GRIA4: variants seen among roughly 807,000 people sequenced by gnomAD.
GRIA4 encodes the protein glutamate receptor 4.
GRIA4 carries 34 observed loss-of-function variants against 104.0 expected under a neutral mutation model. The ratio of observed to expected loss-of-function variants is 0.33; its 90% CI spans 0.25 to 0.44. GRIA4 has a LOEUF of 0.44. GRIA4 is among the 20% of genes least tolerant of loss of function. GRIA4 has a pLI of 1.00. For missense variants in GRIA4, 750 were observed against 1,096.5 expected (o/e 0.68, Z 4.46); for synonymous variants, 386 against 381.9 (o/e 1.01, Z -0.13).
chr11:105,856,273 G>A (rs1945005286), intron 4 of GRIA4, among the ~76,000 whole-genome samples: 1 of 152,070 alleles, frequency 6.6e-6, no homozygotes. Context: ...TTTTCTGAGA[G>A]TCTATGAAGT....
chr11:105,974,752 C>A, intron 16 of GRIA4: 1 of 522,806 alleles, frequency 1.9e-6, no homozygotes, highest in Non-Finnish European at 3.4e-6. Flanking sequence ...TAGATATCTG[C>A]ATTGCAAGGG....
rs1342670025 is a variant in GRIA4 at position 105,979,726 on chromosome 11, C to T, written c.2696C>T (p.Ser899Leu). 1.9e-6 allele frequency: 3 copies of T among 1,612,868 alleles called. No homozygotes were observed. In the South Asian group the frequency reaches 3.3e-5, roughly 18 times the overall value. ...AGTTCAGGATTGGCTGTCATTGCAT[C>T]GGACCTACCATAAAAACCAAAAAAA... ...RQSSGLAVIA[S>L]DLP is the part of the protein sequence containing the mutation. The change falls in exon 17 of 17, where the codon TCG becomes TTG. Residue 899 changes from serine (S) to leucine (L), a missense_variant. Ser to Leu is a moderately radical substitution (Grantham distance 145). This residue lies in a region of GRIA4 where 68 missense variants were observed against 69.3 expected (regional missense o/e 0.98). Coordinates refer to ENST00000282499, the MANE Select transcript of GRIA4 (RefSeq NM_000829.4).
At chr11:105,898,549 T>C (rs1946744557) in intron 7 of GRIA4, 122 bp downstream of exon 7, 1 of 649,716 alleles carries the variant, frequency 1.5e-6, no homozygotes, top group East Asian at 2.8e-5. Flanking sequence ...AAAAAGCATT[T>C]TGTCCTTATA....
Position 105,804,503 on chromosome 11 carries a change from A to G in GRIA4, c.487+51283A>G, listed in dbSNP as rs566275668. On this transcript the variant is annotated intron_variant, in intron 4 of 16. Transcript: ENST00000282499. ...ATGCATTGTATTGAAAAAGAGATAA[A>G]ATGAATTCTAGTTAAGTTGTATACT... 5.9e-5 allele frequency among the ~76,000 whole-genome samples: 9 copies of G among 152,040 alleles called. No homozygotes were observed. The South Asian group carries it at 1.7e-3, about 28-fold the overall frequency.
intron 3 of GRIA4, 27 bp from the exon 4 acceptor site, chr11:105,752,954 T>A (rs372013456): frequency 6.2e-7 from 1 of 1,605,150 alleles, no homozygotes; most frequent in South Asian, 1.1e-5. Flanking sequence ...GCTAATAGTT[T>A]GTGGTGTTTT....
intron 3 of GRIA4, among the ~76,000 whole-genome samples, chr11:105,744,824 T>C (rs1939544963): frequency 6.6e-6 from 1 of 152,172 alleles, no homozygotes; most frequent in Admixed American, 6.5e-5. Context: ...TCTCTTCCCA[T>C]TTCCCAGGCC....
chr11:105,877,568 T>C (rs554409942), intron 5 of GRIA4, among the ~76,000 whole-genome samples: 4 of 152,350 alleles, frequency 2.6e-5, no homozygotes, highest in African/African-American at 4.8e-5. Flanking sequence ...GTTTGGTCTT[T>C]TCACATAGTC....
chr11:105,612,343 C>T lies in GRIA4; in HGVS notation c.156C>T (p.Asn52=). The change falls in exon 3 of 17, where the codon AAC becomes AAT. Residue 52 remains asparagine (N), a synonymous_variant. Coordinates refer to ENST00000282499, the MANE Select transcript of GRIA4 (RefSeq NM_000829.4). Reference sequence around the variant, plus strand: ...TTCGATTAGCAATTTTTCTTCATAACACCAGCCCCAATGCGTCGGAAGCTC... The same window carrying T: ...TTCGATTAGCAATTTTTCTTCATAATACCAGCCCCAATGCGTCGGAAGCTC... The part of the protein sequence containing the change: ...TAFRLAIFLH[N]TSPNASEAPF... 6.2e-7 allele frequency: 1 copy of T among 1,613,960 alleles called. No homozygotes were observed. The highest frequency in any genetic ancestry group is 8.5e-7 in the Non-Finnish European group (1 of 1,179,792).
chr11:105,658,995 T>C (rs752374658), intron 3 of GRIA4, among the ~76,000 whole-genome samples: 1 of 151,970 alleles, frequency 6.6e-6, no homozygotes, highest in Non-Finnish European at 1.5e-5. Context: ...TAAATCTACA[T>C]TGATGACAAT....
chr11:105,742,137 C>G (rs1939350663), intron 3 of GRIA4, among the ~76,000 whole-genome samples: 1 of 152,114 alleles, frequency 6.6e-6, no homozygotes, highest in Admixed American at 6.6e-5. Context: ...AGCCTAGTTC[C>G]TTATCATAAC....
chr11:105,660,704 G>C (rs1951981585), intron 3 of GRIA4, among the ~76,000 whole-genome samples: 2 of 151,400 alleles, frequency 1.3e-5, no homozygotes, highest in Non-Finnish European at 3.0e-5. Flanking sequence ...ATATTAAACA[G>C]ATAGGGATGG....
At chr11:105,769,351 G>T (rs1941103460) in intron 4 of GRIA4, among the ~76,000 whole-genome samples, 1 of 152,006 alleles carries the variant, frequency 6.6e-6, no homozygotes, top group African/African-American at 2.4e-5. Flanking sequence ...GGTAATATTT[G>T]GGCTGAGTAG....
chr11:105,710,606 C>A (rs932824074), intron 3 of GRIA4, among the ~76,000 whole-genome samples: 3 of 152,026 alleles, frequency 2.0e-5, no homozygotes, highest in African/African-American at 7.2e-5. Context: ...AGTTTATATA[C>A]AAAACATCTG....
At chr11:105,827,282 T>C (rs1943806151) in intron 4 of GRIA4, among the ~76,000 whole-genome samples, 1 of 152,052 alleles carries the variant, frequency 6.6e-6, no homozygotes, top group South Asian at 2.1e-4. Context: ...ATTGTCATAG[T>C]AAAATAATAT....
At chr11:105,634,278 T>G (rs1234825916) in intron 3 of GRIA4, among the ~76,000 whole-genome samples, 1 of 144,350 alleles carries the variant, frequency 6.9e-6, no homozygotes, top group Non-Finnish European at 1.5e-5. Flanking sequence ...ACCTGGGAGG[T>G]GGAGGTTGTA....
At chr11:105,818,306 G>T (rs1943454765) in intron 4 of GRIA4, among the ~76,000 whole-genome samples, 1 of 152,098 alleles carries the variant, frequency 6.6e-6, no homozygotes. Flanking sequence ...GGAAGTGCAG[G>T]TCTGTTACTC....
At chr11:105,899,528 C>G (rs151312719) in intron 7 of GRIA4, among the ~76,000 whole-genome samples, 3 of 152,196 alleles carry the variant, frequency 2.0e-5, no homozygotes, top group African/African-American at 7.2e-5. Flanking sequence ...ATATAATCCT[C>G]TCATCCTTCA....
At chr11:105,725,341 T>G (rs924373653) in intron 3 of GRIA4, among the ~76,000 whole-genome samples, 2 of 152,106 alleles carry the variant, frequency 1.3e-5, no homozygotes, top group African/African-American at 2.4e-5. Flanking sequence ...CAAAAAGACA[T>G]GAACATTGCA....
chr11:105,908,575 T>C (rs78376820), intron 9 of GRIA4, among the ~76,000 whole-genome samples: 7 of 97,322 alleles, frequency 7.2e-5, no homozygotes, highest in Non-Finnish European at 1.1e-4. Context: ...GACTTTCTCT[T>C]TTTTTTTTTT....
Sources: gnomAD v4.1 joint callset for allele counts (sites outside exome capture counted in the v4.1 genomes callset) on GRCh38, gnomAD v4.1.1 for gene constraint, gnomAD v4.1.1 regional missense constraint, MANE v1.5 for transcripts, NCBI Gene and HGNC (gene_info 2026-07-23, HGNC 2026-07-21) for gene names.